The following ERG variants were observed in gnomAD, a reference collection of about 807,000 sequenced individuals.
ERG encodes ETS transcription factor ERG, also known as transcriptional regulator ERG.
In ERG, 9 loss-of-function variants were observed where a neutral mutation model predicts 55.3. The observed-to-expected ratio is 0.16, with a 90% confidence interval of 0.10 to 0.28. The LOEUF is 0.28. Among genes scored for constraint, ERG ranks in the 10% least tolerant of loss-of-function variants. The pLI, the probability that ERG is intolerant of heterozygous loss-of-function variation, is 1.00. For synonymous variants in ERG, 223 were observed against 237.3 expected (o/e 0.94, Z 0.55); for missense variants, 434 against 631.6 (o/e 0.69, Z 3.35).
intron 1 of ERG, among the ~76,000 whole-genome samples, chr21:38,618,545 C>T (rs906404806): frequency 5.9e-5 from 9 of 151,946 alleles, no homozygotes; most frequent in South Asian, 4.2e-4. Flanking sequence ...TCTCATTTGG[C>T]GGGGAGGTTG....
chr21:38,397,779 G>C (rs1350783080), intron 6 of ERG, among the ~76,000 whole-genome samples: 1 of 152,034 alleles, frequency 6.6e-6, no homozygotes, highest in East Asian at 1.9e-4. Flanking sequence ...CTGCAGAAAG[G>C]GTGCGGAATG....
At chr21:38,543,354 T>TG (rs368290415) in intron 2 of ERG, among the ~76,000 whole-genome samples, 3 of 45,796 alleles carry the variant, frequency 6.6e-5, no homozygotes, top group South Asian at 1.2e-3. Flanking sequence ...TGTATATGTG[T>TG]GTTTTTTTTT....
chr21:38,466,025 G>C (rs1036623702), intron 1 of ERG, among the ~76,000 whole-genome samples: 1 of 152,206 alleles, frequency 6.6e-6, no homozygotes. Flanking sequence ...CGGTGTTGGA[G>C]AGATGAGTGC....
upstream of ERG, among the ~76,000 whole-genome samples, chr21:38,499,791 A>AGGAGAAAGGAAGGACAGAAGAGAG: frequency 6.9e-6 from 1 of 144,872 alleles, no homozygotes; most frequent in South Asian, 2.4e-4. Flanking sequence ...AAAATGGAGA[A>AGGAGAAAGGAAGGACAGAAGAGAG]GGAGAAAGGA....
In ERG at chr21:38,596,059, G is replaced by C. The variant is rs865829109; in HGVS notation, c.-149-11114C>G. ...TATATAAAAATTGGTGTGGGATTGG[G>C]GGGGGGGGGTCTCTTTTTATAATAG... is the stretch of plus-strand genomic sequence containing the variant. On this transcript the variant is annotated intron_variant, in intron 1 of 10. Transcript: ENST00000398910. Among the ~76,000 whole-genome samples, 7 of 63,170 alleles carry C rather than the reference G, an allele frequency of 1.1e-4. No individual in the cohort carries two copies. The East Asian group carries it at 3.0e-3, about 27-fold the overall frequency. 41.4% of individuals were successfully genotyped at this position (63,170 alleles called of 152,430 possible).
At chr21:38,485,606 T>TGC (rs1409706053) in intron 1 of ERG, among the ~76,000 whole-genome samples, 1 of 151,828 alleles carries the variant, frequency 6.6e-6, no homozygotes, top group Non-Finnish European at 1.5e-5. Flanking sequence ...ATTACAGGCA[T>TGC]GCGCCACCAT....
intron 1 of ERG, among the ~76,000 whole-genome samples, chr21:38,611,572 G>A (rs115512136): frequency 2.2e-3 from 333 of 152,124 alleles, no homozygotes; most frequent in African/African-American, 5.4e-3. Context: ...CTCCCCCTTC[G>A]CCTCCCACAG....
intron 2 of ERG, among the ~76,000 whole-genome samples, chr21:38,533,934 T>C (rs1568890004): frequency 6.6e-6 from 1 of 152,152 alleles, no homozygotes; most frequent in African/African-American, 2.4e-5. Context: ...ACGATGTAAA[T>C]AGAGCCATTT....
intron 1 of ERG, among the ~76,000 whole-genome samples, chr21:38,651,063 C>T (rs969767833): frequency 2.0e-5 from 3 of 152,248 alleles, no homozygotes; most frequent in African/African-American, 7.2e-5. Flanking sequence ...GGAGTTGTCG[C>T]AGCATGATTC....
chr21:38,484,179 G>A (rs1019668574), intron 1 of ERG, among the ~76,000 whole-genome samples: 5 of 152,162 alleles, frequency 3.3e-5, no homozygotes, highest in African/African-American at 1.2e-4. Flanking sequence ...TGCCCAGGCT[G>A]GTCGTGAACT....
rs1324689948 is a variant in ERG at position 38,590,535 on chromosome 21, C to T, written c.-149-5590G>A. On this transcript the variant is annotated intron_variant, in intron 1 of 10. Transcript: ENST00000398910. Reference sequence around the variant, plus strand: ...TCTTCTTCCATGATCTAAATTCAACCTGCCCTTCAAATCCATTCATTCATA... The same window carrying T: ...TCTTCTTCCATGATCTAAATTCAACTTGCCCTTCAAATCCATTCATTCATA... Among the ~76,000 whole-genome samples, 6 of 152,208 alleles carry T rather than the reference C, an allele frequency of 3.9e-5. No homozygotes were observed. The East Asian group carries it at 1.2e-3, about 29-fold the overall frequency.
At chr21:38,483,022 T>A (rs1049733599) in intron 1 of ERG, among the ~76,000 whole-genome samples, 2 of 152,182 alleles carry the variant, frequency 1.3e-5, no homozygotes, top group Non-Finnish European at 2.9e-5. Flanking sequence ...ACATTATGGA[T>A]GAATCTGGAG....
upstream of ERG, among the ~76,000 whole-genome samples, chr21:38,585,833 G>A (rs530302753): frequency 6.6e-5 from 10 of 151,916 alleles, no homozygotes; most frequent in Admixed American, 2.6e-4. Flanking sequence ...TATGCATAGA[G>A]GCAAATTGCC....
intron 1 of ERG, among the ~76,000 whole-genome samples, chr21:38,659,080 G>A (rs1453285944): frequency 6.6e-6 from 1 of 152,104 alleles, no homozygotes; most frequent in Non-Finnish European, 1.5e-5. Flanking sequence ...AGTGCTACTG[G>A]AATTATATAT....
chr21:38,639,629 G>A (rs2060411375), intron 1 of ERG, among the ~76,000 whole-genome samples: 1 of 152,198 alleles, frequency 6.6e-6, no homozygotes, highest in African/African-American at 2.4e-5. Context: ...GCACATCTCT[G>A]TGACATTTCA....
intron 2 of ERG, among the ~76,000 whole-genome samples, chr21:38,428,911 T>C (rs1333477916): frequency 6.6e-6 from 1 of 152,174 alleles, no homozygotes; most frequent in African/African-American, 2.4e-5. Flanking sequence ...TTAAATAGTT[T>C]TGGGGGAACA....
At chr21:38,519,226 A>G (rs1298514921) in intron 2 of ERG, among the ~76,000 whole-genome samples, 1 of 152,246 alleles carries the variant, frequency 6.6e-6, no homozygotes, top group Admixed American at 6.5e-5. Context: ...AGAGGCATAT[A>G]GCATATTCAA....
intron 1 of ERG, among the ~76,000 whole-genome samples, chr21:38,492,654 AAC>A (rs1468077453): frequency 6.6e-6 from 1 of 152,170 alleles, no homozygotes; most frequent in Admixed American, 6.5e-5. Flanking sequence ...CTCAACAACA[AAC>A]ACAAGCAAAG....
At chr21:38,468,091 A>G (rs1235633196) in intron 1 of ERG, among the ~76,000 whole-genome samples, 1 of 152,220 alleles carries the variant, frequency 6.6e-6, no homozygotes, top group Non-Finnish European at 1.5e-5. Flanking sequence ...TTAGTCCACA[A>G]GGTGACGTGT....
Sources: gnomAD v4.1 joint callset for allele counts (sites outside exome capture counted in the v4.1 genomes callset) on GRCh38, gnomAD v4.1.1 for gene constraint, MANE v1.5 for transcripts, NCBI Gene and HGNC (gene_info 2026-07-23, HGNC 2026-07-21) for gene names.